Variants in PALLD observed in about 807,000 individuals in gnomAD.
PALLD encodes the protein palladin, cytoskeletal associated protein.
PALLD carries 61 observed loss-of-function variants against 123.5 expected under a neutral mutation model. That is an observed-to-expected ratio of 0.49 (90% CI 0.40 to 0.61). The LOEUF is 0.61. Among genes scored for constraint, PALLD ranks in the 20% least tolerant of loss-of-function variants. The pLI, the probability that PALLD is intolerant of heterozygous loss-of-function variation, is 0.00. For missense variants in PALLD, 1,273 were observed against 1,377.0 expected, an observed-to-expected ratio of 0.92 and a Z score of 1.20; for synonymous variants, 465 against 496.4, an observed-to-expected ratio of 0.94 and a Z score of 0.84.
intron 10 of PALLD, among the ~76,000 whole-genome samples, chr4:168,883,005 C>T (rs988779354): frequency 2.0e-5 from 3 of 151,468 alleles, no homozygotes; most frequent in African/African-American, 7.3e-5. Flanking sequence ...GCAGGGGAAT[C>T]GCTTGAACAC....
intron 2 of PALLD, among the ~76,000 whole-genome samples, chr4:168,585,561 C>T (rs1253697233): frequency 2.0e-5 from 3 of 148,330 alleles, no homozygotes; most frequent in African/African-American, 7.7e-5. Flanking sequence ...CACGAAGGCA[C>T]TCTTAGATAG....
At chr4:168,768,188 AAC>A (rs2150483685) in intron 10 of PALLD, among the ~76,000 whole-genome samples, 1 of 152,234 alleles carries the variant, frequency 6.6e-6, no homozygotes, top group Non-Finnish European at 1.5e-5. Context: ...ACTCTTTTAT[AAC>A]ACATGAGATT....
At chr4:168,776,718 T>C (rs530150610) in intron 10 of PALLD, among the ~76,000 whole-genome samples, 1 of 152,354 alleles carries the variant, frequency 6.6e-6, no homozygotes, top group African/African-American at 2.4e-5. Context: ...TGTTGGATTT[T>C]TGTTAAATGC....
intron 2 of PALLD, among the ~76,000 whole-genome samples, chr4:168,631,208 T>C (rs1468757837): frequency 6.6e-6 from 1 of 151,882 alleles, no homozygotes; most frequent in Non-Finnish European, 1.5e-5. Flanking sequence ...AGATGGAGAG[T>C]ACAACTGAAA....
At chr4:168,801,681 T>C (rs757865949) in intron 10 of PALLD, among the ~76,000 whole-genome samples, 4 of 152,198 alleles carry the variant, frequency 2.6e-5, no homozygotes, top group Non-Finnish European at 5.9e-5. Flanking sequence ...TAAAGTAGGA[T>C]ATCACTAAGA....
intron 2 of PALLD, among the ~76,000 whole-genome samples, chr4:168,522,815 A>T (rs1763681041): frequency 6.6e-6 from 1 of 152,206 alleles, no homozygotes; most frequent in Admixed American, 6.5e-5. Flanking sequence ...AAGAAATAGC[A>T]TCCTATTGGA....
At chr4:168,650,338 A>C (rs1777912934) in intron 2 of PALLD, among the ~76,000 whole-genome samples, 1 of 152,182 alleles carries the variant, frequency 6.6e-6, no homozygotes, top group Non-Finnish European at 1.5e-5. Context: ...CCCTCCAAAA[A>C]TATATTGTTC....
At chr4:168,666,661 C>A (rs1779689391) in intron 2 of PALLD, among the ~76,000 whole-genome samples, 1 of 152,026 alleles carries the variant, frequency 6.6e-6, no homozygotes, top group African/African-American at 2.4e-5. Context: ...ATATGAAAAC[C>A]CACAGTGACA....
intron 10 of PALLD, among the ~76,000 whole-genome samples, chr4:168,821,871 C>T (rs1262143335): frequency 7.1e-6 from 1 of 140,342 alleles, no homozygotes; most frequent in Non-Finnish European, 1.5e-5. Flanking sequence ...CAGAGCAAAA[C>T]GCTGTCTCAA....
intron 2 of PALLD, among the ~76,000 whole-genome samples, chr4:168,649,714 C>T (rs545907073): frequency 4.2e-4 from 64 of 152,252 alleles, no homozygotes; most frequent in Non-Finnish European, 7.9e-4. Context: ...TATAAAAGAC[C>T]TCCATAGTTA....
intron 2 of PALLD, among the ~76,000 whole-genome samples, chr4:168,532,387 C>T (rs1015029048): frequency 6.6e-6 from 1 of 152,190 alleles, no homozygotes; most frequent in African/African-American, 2.4e-5. Context: ...ATCTAACTAT[C>T]AGAATAGCCA....
intron 8 of PALLD, among the ~76,000 whole-genome samples, chr4:168,704,412 C>G (rs1223591862): frequency 6.6e-6 from 1 of 152,114 alleles, no homozygotes; most frequent in Non-Finnish European, 1.5e-5. Flanking sequence ...TGGCTCACGC[C>G]TGTAATCCCA....
intron 10 of PALLD, among the ~76,000 whole-genome samples, chr4:168,794,401 G>C (rs1738100586): frequency 6.6e-6 from 1 of 152,128 alleles, no homozygotes; most frequent in Non-Finnish European, 1.5e-5. Flanking sequence ...CAGGGTGGAA[G>C]ACACAACACA....
intron 2 of PALLD, among the ~76,000 whole-genome samples, chr4:168,516,404 T>C (rs1762992804): frequency 6.6e-6 from 1 of 152,214 alleles, no homozygotes; most frequent in South Asian, 2.1e-4. Flanking sequence ...TTGTGAAGAA[T>C]TTTAGTTCAA....
intron 2 of PALLD, among the ~76,000 whole-genome samples, chr4:168,513,690 A>C (rs1762737225): frequency 6.6e-6 from 1 of 152,244 alleles, no homozygotes; most frequent in Admixed American, 6.5e-5. Flanking sequence ...TTAATTTTAT[A>C]TGGCAAAATG....
chr4:168,755,937 G>A (rs1731802303), intron 10 of PALLD: 1 of 169,162 alleles, frequency 5.9e-6, no homozygotes, highest in African/African-American at 2.4e-5. Context: ...AGTCACGTCA[G>A]TATAGAACTC....
chr4:168,519,991 C>T (rs573423959), intron 2 of PALLD, among the ~76,000 whole-genome samples: 70 of 152,058 alleles, frequency 4.6e-4, no homozygotes, highest in Non-Finnish European at 8.1e-4. Context: ...CCTAGAACAC[C>T]CAATTACTGT....
chr4:168,771,859 C>T (rs1413404559), intron 10 of PALLD, among the ~76,000 whole-genome samples: 1 of 152,210 alleles, frequency 6.6e-6, no homozygotes, highest in Non-Finnish European at 1.5e-5. Context: ...GGGAGGGCAG[C>T]AGCGGCATGT....
At chr4:168,653,362 GT>G (rs1445878739) in intron 2 of PALLD, among the ~76,000 whole-genome samples, 1 of 152,180 alleles carries the variant, frequency 6.6e-6, no homozygotes, top group Non-Finnish European at 1.5e-5. Flanking sequence ...TGTGTAAATA[GT>G]ATTTACATAT....
Sources: allele counts gnomAD v4.1 joint callset (sites outside exome capture counted in the v4.1 genomes callset), GRCh38; gene constraint gnomAD v4.1.1; transcripts MANE v1.5; gene names NCBI Gene and HGNC (gene_info 2026-07-23, HGNC 2026-07-21).